ANKIB1: variants seen among roughly 807,000 people sequenced by gnomAD.
ANKIB1 encodes ankyrin repeat and IBR domain containing 1, also known as ankyrin repeat and IBR domain-containing protein 1.
A neutral mutation model predicts 122.1 loss-of-function variants in ANKIB1; 43 were observed. The observed-to-expected ratio is 0.35, with a 90% CI of 0.28 to 0.45. The LOEUF (loss-of-function observed/expected upper bound fraction) is 0.45, where lower values mean the gene tolerates loss of function less well. Among genes scored for constraint, ANKIB1 ranks in the 20% least tolerant of loss-of-function variants. ANKIB1 has a pLI of 1.00. For synonymous variants in ANKIB1, 390 were observed against 442.0 expected (o/e 0.88, Z 1.48); for missense variants, 992 against 1,329.5 (o/e 0.75, Z 3.95).
chr7:92,348,541 A>C (rs1183770375), intron 7 of ANKIB1, among the ~76,000 whole-genome samples: 1 of 152,108 alleles, frequency 6.6e-6, no homozygotes, highest in East Asian at 1.9e-4. Context: ...ACCCGGCACC[A>C]TGCCAAGCTA....
At chr7:92,259,139 G>A (rs1164894748) in intron 1 of ANKIB1, among the ~76,000 whole-genome samples, 1 of 152,000 alleles carries the variant, frequency 6.6e-6, no homozygotes, top group Non-Finnish European at 1.5e-5. Flanking sequence ...TATTTTTGGT[G>A]GAGATGAGGT....
rs376083624 is a variant in ANKIB1, at chr7:92,372,030, G to A, written c.1617+423G>A. On this transcript the variant is annotated intron_variant, in intron 11 of 19. Coordinates refer to ENST00000265742, the MANE Select transcript of ANKIB1 (RefSeq NM_019004.2). ...GTGTGTGTATCAAATGATTAACAAAGTGCTGCCTTATATAGATCTTTTGCA... is the reference window on the plus strand; with the variant it reads ...GTGTGTGTATCAAATGATTAACAAAATGCTGCCTTATATAGATCTTTTGCA... Among the ~76,000 whole-genome samples the A allele has an allele frequency of 3.1e-4, 45 of 143,544 alleles. 1 individual carries two copies. Among genetic ancestry groups the A allele is most frequent in the African/African-American group, 9.8e-4 (38 of 38,816 alleles). The allele number at this position is 143,544 out of a possible 152,430, so 94.2% of individuals were successfully genotyped here. A position where few individuals can be genotyped will look rare whatever the true frequency, so the allele number is the denominator to read the frequency against.
intron 3 of ANKIB1, among the ~76,000 whole-genome samples, chr7:92,313,752 A>G (rs960263384): frequency 2.6e-5 from 4 of 152,152 alleles, no homozygotes; most frequent in African/African-American, 4.8e-5. Flanking sequence ...TATTGGGCCA[A>G]CCAGACCTTC....
intron 11 of ANKIB1, among the ~76,000 whole-genome samples, chr7:92,377,677 C>G (rs1307962825): frequency 6.6e-6 from 1 of 152,164 alleles, no homozygotes; most frequent in Non-Finnish European, 1.5e-5. Context: ...AGGACTATAA[C>G]TTCATTCAAC....
Position 92,351,029 on chromosome 7 carries a change from G to A in ANKIB1, c.1165G>A (p.Val389Met). 1 of 1,600,810 alleles carries A rather than the reference G, an allele frequency of 6.2e-7. No homozygotes were observed. Among genetic ancestry groups the A allele is most frequent in the Non-Finnish European group, 8.5e-7 (1 of 1,173,028 alleles). ...PAYDCFQLVP[V>M]DIIESVVSKE... ...ATATGATTGCTTCCAACTTGTACCT[G>A]TGGATATCATAGAAAGTGTAGTTTC... Residue 389 changes from valine to methionine, a missense_variant, in exon 8 of 20, where the codon GTG becomes ATG. Transcript: ENST00000265742.
In ANKIB1 at chr7:92,274,017, C is replaced by T. The variant is rs1039900616; in HGVS notation, c.-90-20872C>T. The stretch of plus-strand genomic sequence containing the variant: ...TGAACCCTTGGGCTCAAGCAGTCCT[C>T]CCACCTCCGGCCTCCCAAAAGTGTT... On this transcript the variant is annotated intron_variant, in intron 1 of 19. Transcript: ENST00000265742. 4.6e-5 allele frequency among the ~76,000 whole-genome samples: 7 copies of T among 152,128 alleles called. No homozygotes were observed. In the South Asian group the frequency reaches 6.2e-4, roughly 14 times the overall value.
intron 18 of ANKIB1, among the ~76,000 whole-genome samples, chr7:92,396,785 T>C (rs1378082604): frequency 6.6e-6 from 1 of 152,200 alleles, no homozygotes; most frequent in Non-Finnish European, 1.5e-5. Context: ...TATAGGCTCA[T>C]TGTGAGTATT....
At chr7:92,347,722 T>C (rs561464229) in intron 7 of ANKIB1, among the ~76,000 whole-genome samples, 17 of 152,312 alleles carry the variant, frequency 1.1e-4, no homozygotes, top group African/African-American at 4.1e-4. Context: ...ATACAATAGG[T>C]CACTGGGCTG....
intron 1 of ANKIB1, among the ~76,000 whole-genome samples, chr7:92,266,340 C>G (rs1801671540): frequency 6.6e-6 from 1 of 152,070 alleles, no homozygotes; most frequent in African/African-American, 2.4e-5. Flanking sequence ...TTTACTATAA[C>G]AGGAGATTAC....
At chr7:92,273,913 CAA>C (rs779477654) in intron 1 of ANKIB1, among the ~76,000 whole-genome samples, 10 of 151,808 alleles carry the variant, frequency 6.6e-5, no homozygotes, top group Non-Finnish European at 1.3e-4. Flanking sequence ...GCAGGTACTG[CAA>C]GTATGTGCCA....
intron 16 of ANKIB1, among the ~76,000 whole-genome samples, chr7:92,391,599 C>T (rs1393733304): frequency 6.6e-5 from 10 of 151,740 alleles, no homozygotes; most frequent in Non-Finnish European, 1.5e-4. Flanking sequence ...TTTCACATTT[C>T]AGGTGAACTC....
At chr7:92,296,251 C>A (rs1802353759) in intron 2 of ANKIB1, among the ~76,000 whole-genome samples, 1 of 151,662 alleles carries the variant, frequency 6.6e-6, no homozygotes, top group African/African-American at 2.4e-5. Context: ...GAAACGGTGT[C>A]TTGCTCTGTC....
At chr7:92,250,881 T>C (rs1801316364) in intron 1 of ANKIB1, among the ~76,000 whole-genome samples, 1 of 152,246 alleles carries the variant, frequency 6.6e-6, no homozygotes, top group Non-Finnish European at 1.5e-5. Context: ...AACATTTTAT[T>C]CTATCATTAA....
intron 2 of ANKIB1, among the ~76,000 whole-genome samples, chr7:92,306,473 C>T (rs1026609139): frequency 1.3e-5 from 2 of 152,176 alleles, no homozygotes; most frequent in East Asian, 3.9e-4. Flanking sequence ...CAACTCCCCT[C>T]AGAAAGTATT....
At chr7:92,383,274 A>AGGAC (rs1196594700) in intron 11 of ANKIB1, among the ~76,000 whole-genome samples, 1 of 152,236 alleles carries the variant, frequency 6.6e-6, no homozygotes, top group Non-Finnish European at 1.5e-5. Context: ...AAAAGAGTCC[A>AGGAC]GGACCAGATG....
At chr7:92,368,033 G>A (rs1253480110) in intron 10 of ANKIB1, among the ~76,000 whole-genome samples, 2 of 152,090 alleles carry the variant, frequency 1.3e-5, no homozygotes, top group African/African-American at 2.4e-5. Context: ...GCACATGCCT[G>A]TAGTCCTAGC....
chr7:92,339,854 A>G (rs1172368895), intron 5 of ANKIB1, among the ~76,000 whole-genome samples: 2 of 130,414 alleles, frequency 1.5e-5, no homozygotes, highest in Admixed American at 7.8e-5. Flanking sequence ...TTTTCTATCA[A>G]TAGTTTCTAA....
intron 1 of ANKIB1, 122 bp downstream of exon 1, chr7:92,246,641 T>C (rs1801056310): frequency 2.2e-6 from 1 of 452,854 alleles, no homozygotes; most frequent in Non-Finnish European, 4.4e-6. Context: ...TGTCGCCTGT[T>C]TTGGAGCATT....
At chr7:92,298,305 A>G (rs1194574720) in intron 2 of ANKIB1, among the ~76,000 whole-genome samples, 1 of 151,946 alleles carries the variant, frequency 6.6e-6, no homozygotes, top group Non-Finnish European at 1.5e-5. Flanking sequence ...AAAACTCCTA[A>G]TATTGGATAC....
Sources: gnomAD v4.1 joint callset for allele counts (sites outside exome capture counted in the v4.1 genomes callset) on GRCh38, gnomAD v4.1.1 for gene constraint, MANE v1.5 for transcripts, NCBI Gene and HGNC (gene_info 2026-07-23, HGNC 2026-07-21) for gene names.